Variants in ZNF618 observed in about 807,000 individuals in gnomAD.
The protein encoded by ZNF618 is zinc finger protein 618.
In ZNF618, 34 loss-of-function variants were observed where a neutral mutation model predicts 103.0. That is an observed-to-expected ratio of 0.33 (90% CI 0.25 to 0.44). The LOEUF (loss-of-function observed/expected upper bound fraction) is 0.44. ZNF618 is among the 20% of genes least tolerant of loss of function. ZNF618 has a pLI of 1.00. For missense variants in ZNF618, 1,059 were observed against 1,295.4 expected (o/e 0.82, Z 2.80); for synonymous variants, 551 against 542.2 (o/e 1.02, Z -0.23).
At chr9:113,956,272 C>T (rs1184168536) in intron 1 of ZNF618, among the ~76,000 whole-genome samples, 4 of 141,334 alleles carry the variant, frequency 2.8e-5, no homozygotes, top group African/African-American at 1.1e-4. Flanking sequence ...AGGGGGCAAG[C>T]ATGCTTCCAT....
At chr9:113,918,927 T>G (rs925751562) in intron 1 of ZNF618, among the ~76,000 whole-genome samples, 18 of 152,168 alleles carry the variant, frequency 1.2e-4, no homozygotes, top group Non-Finnish European at 2.2e-4. Context: ...AAATTTGGTG[T>G]GAATGAACGA....
chr9:113,974,136 T>C (rs561152510), intron 2 of ZNF618, among the ~76,000 whole-genome samples: 1 of 152,328 alleles, frequency 6.6e-6, no homozygotes, highest in Admixed American at 6.5e-5. Flanking sequence ...ACATAAAATA[T>C]ATGCTTGTTA....
chr9:114,035,683 C>T (rs1257067940), intron 12 of ZNF618, among the ~76,000 whole-genome samples: 1 of 151,764 alleles, frequency 6.6e-6, no homozygotes, highest in Non-Finnish European at 1.5e-5. Flanking sequence ...GAGTAGAGAG[C>T]TGAGTGATCC....
chr9:114,011,010 C>A (rs989172802), intron 9 of ZNF618, among the ~76,000 whole-genome samples: 2 of 152,192 alleles, frequency 1.3e-5, no homozygotes, highest in African/African-American at 4.8e-5. Flanking sequence ...CACACACACA[C>A]AAAATGTCTC....
intron 9 of ZNF618, among the ~76,000 whole-genome samples, chr9:114,011,328 G>A (rs1842220932): frequency 6.6e-6 from 1 of 152,244 alleles, no homozygotes; most frequent in African/African-American, 2.4e-5. Context: ...TACCCAGGAA[G>A]ATGCAGAACA....
At chr9:113,927,117 T>G (rs1833170540) in intron 1 of ZNF618, among the ~76,000 whole-genome samples, 1 of 152,230 alleles carries the variant, frequency 6.6e-6, no homozygotes, top group Non-Finnish European at 1.5e-5. Flanking sequence ...CCTTTTAACA[T>G]GCCTTATAAT....
At chr9:113,946,128 T>C (rs559094781) in intron 1 of ZNF618, among the ~76,000 whole-genome samples, 3 of 152,302 alleles carry the variant, frequency 2.0e-5, no homozygotes, top group African/African-American at 7.2e-5. Context: ...CCAAGAGCTG[T>C]TCAGAGCAGG....
intron 13 of ZNF618, among the ~76,000 whole-genome samples, chr9:114,038,866 C>T (rs986125029): frequency 6.6e-6 from 1 of 152,198 alleles, no homozygotes; most frequent in Non-Finnish European, 1.5e-5. Context: ...AGTTGCACAG[C>T]TCCTAAAAAA....
intron 14 of ZNF618, among the ~76,000 whole-genome samples, chr9:114,048,350 T>TGAGGAA (rs1564347416): frequency 1.3e-5 from 2 of 152,284 alleles, no homozygotes; most frequent in South Asian, 4.1e-4. Flanking sequence ...ATTCCTGTAT[T>TGAGGAA]GAGGAAGAAA....
chr9:113,989,122 C>T (rs1219596288), intron 3 of ZNF618, among the ~76,000 whole-genome samples: 1 of 152,226 alleles, frequency 6.6e-6, no homozygotes, highest in Non-Finnish European at 1.5e-5. Flanking sequence ...AGGGATACCC[C>T]TCAGGGGCCC....
chr9:113,879,506 G>A (rs1309467773), intron 1 of ZNF618, among the ~76,000 whole-genome samples: 6 of 145,122 alleles, frequency 4.1e-5, no homozygotes, highest in Admixed American at 1.4e-4. Flanking sequence ...TGTTTCTATT[G>A]GTGTCTCTCT....
chr9:114,007,264 T>G, intron 6 of ZNF618, 86 bp from the exon 7 acceptor site: 1 of 1,142,542 alleles, frequency 8.8e-7, no homozygotes, highest in East Asian at 2.5e-5. Context: ...GTTTCATCTT[T>G]GGTTTCTGAG....
At chr9:114,030,125 A>G (rs1438931547) in intron 11 of ZNF618, among the ~76,000 whole-genome samples, 1 of 152,224 alleles carries the variant, frequency 6.6e-6, no homozygotes, top group African/African-American at 2.4e-5. Context: ...GGTGACTGAC[A>G]ACCCAGCCGA....
rs953400504 is a variant in ZNF618 at position 114,043,804 on chromosome 9, T to C, written c.1247-4089T>C. Among the ~76,000 whole-genome samples, 13 of 152,340 alleles carry C rather than the reference T, an allele frequency of 8.5e-5. No homozygotes were observed. In the South Asian group the frequency reaches 2.7e-3, roughly 32 times the overall value. On this transcript the variant is annotated intron_variant, in intron 13 of 14. Transcript: ENST00000374126. ...TTTGCATTTCCCTGATCATTAGTGA[T>C]GTTGAGCATTTTTTCATATGTTTGT...
intron 10 of ZNF618, among the ~76,000 whole-genome samples, chr9:114,017,747 G>T (rs1842768038): frequency 6.6e-6 from 1 of 152,184 alleles, no homozygotes. Context: ...TTTACAGAAG[G>T]TCACTGGGGG....
intron 13 of ZNF618, among the ~76,000 whole-genome samples, chr9:114,038,100 C>G (rs567934692): frequency 9.2e-5 from 14 of 152,326 alleles, no homozygotes; most frequent in Admixed American, 7.2e-4. Context: ...AAGCAGGATC[C>G]TCGGGCTAGG....
intron 1 of ZNF618, among the ~76,000 whole-genome samples, chr9:113,966,688 CAT>C (rs1419585083): frequency 1.3e-5 from 2 of 152,172 alleles, no homozygotes; most frequent in Non-Finnish European, 1.5e-5. Flanking sequence ...GATACTGACA[CAT>C]GTGTCTTGGA....
At chr9:113,988,297 T>C (rs746207321) in intron 2 of ZNF618, 24 bp from the exon 3 acceptor site, 3 of 1,600,152 alleles carry the variant, frequency 1.9e-6, no homozygotes, top group Admixed American at 1.7e-5. Flanking sequence ...AAGAAGGTAT[T>C]GAACGGAGTT....
chr9:113,915,979 T>C (rs1164103659), intron 1 of ZNF618, among the ~76,000 whole-genome samples: 2 of 152,182 alleles, frequency 1.3e-5, no homozygotes, highest in Non-Finnish European at 2.9e-5. Flanking sequence ...ATAGTATTTA[T>C]CACATTTATC....
Sources: gnomAD v4.1 joint callset for allele counts (sites outside exome capture counted in the v4.1 genomes callset) on GRCh38, gnomAD v4.1.1 for gene constraint, MANE v1.5 for transcripts, NCBI Gene and HGNC (gene_info 2026-07-23, HGNC 2026-07-21) for gene names.